SPAG17: variants seen among roughly 807,000 people sequenced by gnomAD.
SPAG17 encodes sperm associated antigen 17.
In SPAG17, 169 loss-of-function variants were observed where a neutral mutation model predicts 273.6. That is an observed-to-expected ratio of 0.62 (90% CI 0.55 to 0.70). The LOEUF is 0.70. SPAG17 is among the 30% of genes least tolerant of loss of function. SPAG17 has a pLI of 0.00. For missense variants in SPAG17, 2,557 were observed against 2,627.8 expected, an observed-to-expected ratio of 0.97 and a Z score of 0.59; for synonymous variants, 825 against 873.2, an observed-to-expected ratio of 0.94 and a Z score of 0.97.
intron 1 of SPAG17, among the ~76,000 whole-genome samples, chr1:118,179,727 C>T (rs955893358): frequency 6.6e-6 from 1 of 151,730 alleles, no homozygotes; most frequent in East Asian, 1.9e-4. Context: ...ATTTAAGGAG[C>T]TCAAACAACT....
chr1:117,988,305 ATAGT>A, intron 38 of SPAG17, 101 bp from the exon 39 acceptor site: 3 of 754,096 alleles, frequency 4.0e-6, no homozygotes, highest in South Asian at 2.7e-5. Flanking sequence ...AAGAGCCTAT[ATAGT>A]TAATCTATCA....
chr1:118,105,022 G>A (rs775287583), intron 4 of SPAG17, among the ~76,000 whole-genome samples: 52 of 152,164 alleles, frequency 3.4e-4, no homozygotes, highest in Non-Finnish European at 5.0e-4. Context: ...AAGTTCTCTA[G>A]AAGTCAACAT....
At chr1:117,955,950 A>C (rs1325807677) in intron 48 of SPAG17, among the ~76,000 whole-genome samples, 2 of 152,184 alleles carry the variant, frequency 1.3e-5, no homozygotes, top group Non-Finnish European at 2.9e-5. Context: ...CAGTAGGCAT[A>C]AGCTTTTAAA....
chr1:117,959,021 G>C, intron 48 of SPAG17: 1 of 1,611,274 alleles, frequency 6.2e-7, no homozygotes, highest in Non-Finnish European at 8.5e-7. Context: ...TCTTTGTATA[G>C]AGATAAAATA....
chr1:118,036,714 T>C, intron 24 of SPAG17, 56 bp downstream of exon 24: 4 of 1,165,202 alleles, frequency 3.4e-6, no homozygotes, highest in Non-Finnish European at 5.0e-6. Flanking sequence ...GAATGGGCAG[T>C]GGCAGGGACC....
intron 48 of SPAG17, chr1:117,955,265 G>C (rs1652008545): frequency 6.5e-7 from 1 of 1,533,686 alleles, no homozygotes; most frequent in Admixed American, 1.9e-5. Context: ...GAGAACTTTA[G>C]TAGAAACCAA....
At chr1:118,057,004 T>C (rs1651763529) in intron 18 of SPAG17, among the ~76,000 whole-genome samples, 1 of 151,690 alleles carries the variant, frequency 6.6e-6, no homozygotes, top group Admixed American at 6.6e-5. Flanking sequence ...AGACTGAGTC[T>C]CGCTCTGTCA....
intron 10 of SPAG17, among the ~76,000 whole-genome samples, chr1:118,091,311 G>T (rs1229049405): frequency 6.6e-6 from 1 of 152,144 alleles, no homozygotes; most frequent in East Asian, 1.9e-4. Flanking sequence ...ACTTGTCCAT[G>T]TTCTCTTCCT....
chr1:118,059,959 T>C (rs1484987954), intron 18 of SPAG17, among the ~76,000 whole-genome samples: 2 of 152,146 alleles, frequency 1.3e-5, no homozygotes, highest in African/African-American at 4.8e-5. Flanking sequence ...ATTTATTTCA[T>C]TGTTTCCTCT....
At chr1:118,079,901 T>A (rs140195183) in intron 15 of SPAG17, among the ~76,000 whole-genome samples, 201 of 152,236 alleles carry the variant, frequency 1.3e-3, no homozygotes, top group African/African-American at 4.6e-3. Flanking sequence ...TTAAATTTGG[T>A]GTTGTTTAAT....
rs534212756 is a variant in SPAG17 at position 118,013,688 on chromosome 1, A to G, written c.4288-1316T>C. 1.1e-4 allele frequency among the ~76,000 whole-genome samples: 17 copies of G among 152,246 alleles called. No homozygotes were observed. In the East Asian group the frequency reaches 1.7e-3, roughly 16 times the overall value. ...TAGTAATTATTGATAGCGGTTTTTT[A>G]TCTAGTAGAGATATTTACATATTAT... On this transcript the variant is annotated intron_variant, in intron 29 of 48. Coordinates refer to ENST00000336338, the MANE Select transcript of SPAG17 (RefSeq NM_206996.4).
intron 15 of SPAG17, among the ~76,000 whole-genome samples, chr1:118,080,037 ATAAC>A (rs1654413632): frequency 1.3e-5 from 2 of 152,212 alleles, no homozygotes; most frequent in African/African-American, 4.8e-5. Context: ...TTGAAAGAAA[ATAAC>A]TAATGCCATA....
intron 3 of SPAG17, among the ~76,000 whole-genome samples, chr1:118,131,641 G>A (rs1039568539): frequency 6.6e-6 from 1 of 152,196 alleles, no homozygotes; most frequent in Admixed American, 6.5e-5. Context: ...GATGGCCATT[G>A]TGTACCATGT....
intron 1 of SPAG17, among the ~76,000 whole-genome samples, chr1:118,160,232 C>T (rs1193084543): frequency 6.6e-6 from 1 of 152,194 alleles, no homozygotes; most frequent in African/African-American, 2.4e-5. Flanking sequence ...CTTCTTTGAC[C>T]TTGATTGAGT....
intron 48 of SPAG17, among the ~76,000 whole-genome samples, chr1:117,956,801 A>G (rs1652267098): frequency 6.6e-6 from 1 of 152,212 alleles, no homozygotes; most frequent in Non-Finnish European, 1.5e-5. Flanking sequence ...ATTCAACAAA[A>G]GGCTTTGGAG....
intron 1 of SPAG17, among the ~76,000 whole-genome samples, chr1:118,157,586 C>T (rs1659716612): frequency 6.6e-6 from 1 of 152,166 alleles, no homozygotes; most frequent in Non-Finnish European, 1.5e-5. Context: ...TAAGCACCCC[C>T]TGCCAACAAA....
intron 3 of SPAG17, among the ~76,000 whole-genome samples, chr1:118,122,163 G>C (rs1448895296): frequency 6.6e-6 from 1 of 152,020 alleles, no homozygotes; most frequent in Non-Finnish European, 1.5e-5. Context: ...CTGTGTGTGT[G>C]TGTGTGTGTG....
intron 17 of SPAG17, among the ~76,000 whole-genome samples, 181 bp downstream of exon 17, chr1:118,073,673 T>C (rs995618269): frequency 2.0e-5 from 3 of 152,164 alleles, no homozygotes; most frequent in African/African-American, 7.2e-5. Flanking sequence ...TAAACTATTT[T>C]AGAGAGTCGC....
intron 34 of SPAG17, 57 bp from the exon 35 acceptor site, chr1:117,994,587 T>C (rs986594244): frequency 1.3e-6 from 2 of 1,542,044 alleles, no homozygotes; most frequent in Non-Finnish European, 1.7e-6. Context: ...TCAGAGAAAA[T>C]GAAAACGCAT....
Sources: allele counts gnomAD v4.1 joint callset (sites outside exome capture counted in the v4.1 genomes callset), GRCh38; gene constraint gnomAD v4.1.1; transcripts MANE v1.5; gene names NCBI Gene and HGNC (gene_info 2026-07-23, HGNC 2026-07-21).